SIRPB1: variants seen among roughly 807,000 people sequenced by gnomAD.
SIRPB1 encodes the protein signal regulatory protein beta 1.
Under a neutral mutation model 34.1 loss-of-function variants are expected in SIRPB1, and 28 were observed. The ratio of observed to expected loss-of-function variants is 0.82; its 90% CI spans 0.61 to 1.12. The LOEUF is 1.12. SIRPB1 is among the 50% of genes most tolerant of loss of function. The pLI, the probability that SIRPB1 is intolerant of heterozygous loss-of-function variation, is 0.00. For missense variants in SIRPB1, 499 were observed against 507.0 expected (o/e 0.98, Z 0.15); for synonymous variants, 211 against 203.8 (o/e 1.04, Z -0.30).
At chr20:1,567,750 G>A (rs1373076447) in intron 4 of SIRPB1, among the ~76,000 whole-genome samples, 2 of 152,184 alleles carry the variant, frequency 1.3e-5, no homozygotes, top group Non-Finnish European at 2.9e-5. Flanking sequence ...TTTGAAAACA[G>A]ATTGGGAAAT....
Position 1,581,470 on chromosome 20 carries a change from C to G in SIRPB1, c.77-2776G>C, listed in dbSNP as rs1453439369. 1.3e-4 allele frequency among the ~76,000 whole-genome samples: 6 copies of G among 45,674 alleles called. 3 individuals are homozygous for G. Among genetic ancestry groups the G allele is most frequent in the Non-Finnish European group, 2.5e-4 (6 of 24,320 alleles). 30.0% of individuals were successfully genotyped at this position (45,674 alleles called of 152,430 possible). A position where few individuals can be genotyped will look rare whatever the true frequency, so the allele number is the denominator to read the frequency against. On this transcript the variant is annotated intron_variant, in intron 1 of 5. Coordinates refer to ENST00000381605, the MANE Select transcript of SIRPB1 (RefSeq NM_006065.5). Reference sequence around the variant, plus strand: ...TTTGCTTGTGTCCTCCACCTTGACTCCCAGTAAAGGCACTTGCCCAGGGAT... The same window carrying G: ...TTTGCTTGTGTCCTCCACCTTGACTGCCAGTAAAGGCACTTGCCCAGGGAT...
At chr20:1,572,160 G>C (rs1334327680) in intron 2 of SIRPB1, 123 bp from the exon 3 acceptor site, 10 of 1,460,462 alleles carry the variant, frequency 6.8e-6, no homozygotes, top group Non-Finnish European at 8.3e-6. Flanking sequence ...ATGTCGTGAA[G>C]GCAGTGTCCT....
intron 5 of SIRPB1, 39 bp downstream of exon 5, chr20:1,566,114 G>T: frequency 7.2e-7 from 1 of 1,384,576 alleles, no homozygotes; most frequent in Non-Finnish European, 1.0e-6. Context: ...TTGCCTTTCT[G>T]GAGGAGCCCT....
intron 1 of SIRPB1, among the ~76,000 whole-genome samples, chr20:1,583,698 C>T (rs185969869): frequency 2.1e-5 from 1 of 48,298 alleles, no homozygotes; most frequent in Admixed American, 1.4e-4. Context: ...TTACCTGTTG[C>T]TTTGCTTAAC....
chr20:1,618,785 G>A (rs2091666876), intron 1 of SIRPB1, among the ~76,000 whole-genome samples: 1 of 152,168 alleles, frequency 6.6e-6, no homozygotes, highest in South Asian at 2.1e-4. Flanking sequence ...GGCTGCACCA[G>A]GAAAGGCCCT....
intron 1 of SIRPB1, among the ~76,000 whole-genome samples, chr20:1,619,384 C>T (rs1600176847): frequency 6.6e-6 from 1 of 152,200 alleles, no homozygotes; most frequent in African/African-American, 2.4e-5. Flanking sequence ...GAGGAGCACC[C>T]TTAGGGAGGA....
Position 1,570,791 on chromosome 20 carries a change from G to C in SIRPB1, c.1084+14C>G. The C allele has an allele frequency of 6.4e-7, 1 of 1,558,488 alleles. No homozygotes were observed. The highest frequency in any genetic ancestry group is 8.7e-7 in the Non-Finnish European group (1 of 1,149,332). Reference sequence around the variant, plus strand: ...AAGAAAAAGACAAAATTTAAAAATGGGAAGTAACCGCACCATGGGTGATAT... The same window carrying C: ...AAGAAAAAGACAAAATTTAAAAATGCGAAGTAACCGCACCATGGGTGATAT... On this transcript the variant is annotated intron_variant, in intron 4 of 5. Coordinates refer to ENST00000381605, the MANE Select transcript of SIRPB1 (RefSeq NM_006065.5).
intron 4 of SIRPB1, among the ~76,000 whole-genome samples, chr20:1,568,260 A>G (rs1228086425): frequency 6.6e-6 from 1 of 152,222 alleles, no homozygotes; most frequent in Admixed American, 6.5e-5. Context: ...GGCTGAGTCA[A>G]AAGGGAACAC....
Position 1,566,227 on chromosome 20 carries a change from G to C in SIRPB1, c.1125C>G (p.Leu375=), listed in dbSNP as rs1337852183. 2.5e-6 allele frequency: 4 copies of C among 1,611,732 alleles called. No individual in the cohort carries two copies. The highest frequency in any genetic ancestry group is 3.4e-6 in the Non-Finnish European group (4 of 1,179,132). ...LAPTAPLLVA[L]LLGPKLLLVV... is the part of the protein sequence containing the mutation. Reference sequence around the variant, plus strand: ...CCAGTAGCAGCTTGGGGCCCAGGAGGAGAGCTACGAGGAGTGGAGCAGTAG... The same window carrying C: ...CCAGTAGCAGCTTGGGGCCCAGGAGCAGAGCTACGAGGAGTGGAGCAGTAG... The change falls in exon 5 of 6, where the codon CTC becomes CTG. Residue 375 remains leucine (L), a synonymous_variant. Coordinates refer to ENST00000381605, the MANE Select transcript of SIRPB1 (RefSeq NM_006065.5).
chr20:1,570,758 T>C (rs1333625242), intron 4 of SIRPB1, 47 bp downstream of exon 4: 1 of 1,430,086 alleles, frequency 7.0e-7, no homozygotes, highest in African/African-American at 1.4e-5. Context: ...ATATTGCTTT[T>C]AACATTAAAG....
Position 1,583,156 on chromosome 20 carries a change from C to T in SIRPB1, c.77-4462G>A, listed in dbSNP as rs994297011. Among the ~76,000 whole-genome samples the T allele has an allele frequency of 4.1e-5, 2 of 48,836 alleles. 1 individual carries two copies. The highest frequency in any genetic ancestry group is 2.7e-4 in the African/African-American group (2 of 7,388). The allele number at this position is 48,836 out of a possible 152,430, so 32.0% of individuals were successfully genotyped here. A position where few individuals can be genotyped will look rare whatever the true frequency, so the allele number is the denominator to read the frequency against. The stretch of plus-strand genomic sequence containing the variant: ...AAGAAAACCACAAATCCTCTTCTCC[C>T]CACCACATCACCTCCCTGCCCTCAT... On this transcript the variant is annotated intron_variant, in intron 1 of 5. Transcript: ENST00000381605.
At chr20:1,595,459 G>A (rs1344241101) in intron 1 of SIRPB1, among the ~76,000 whole-genome samples, 1 of 48,818 alleles carries the variant, frequency 2.0e-5, no homozygotes, top group Admixed American at 1.4e-4. Flanking sequence ...TTGCCATGAT[G>A]TCCCAGGAGG....
Position 1,588,654 on chromosome 20 carries a change from C to T in SIRPB1, c.77-9960G>A. The T allele has an allele frequency of 3.4e-6, 2 of 583,106 alleles. 1 individual carries two copies. Among genetic ancestry groups the T allele is most frequent in the Non-Finnish European group, 4.5e-6 (2 of 442,052 alleles). 36.1% of individuals were successfully genotyped at this position (583,106 alleles called of 1,614,324 possible). On this transcript the variant is annotated intron_variant, in intron 1 of 5. Transcript: ENST00000381605. ...GCATCCTGGAGACCTCAGGAGCCTG[C>T]TCTGTTCAAACGTCTGTGGTGGGGA... is the stretch of plus-strand genomic sequence containing the variant.
Position 1,562,752 on chromosome 20 carries a change from C to CA in SIRPB1, c.*2747dup, listed in dbSNP as rs1201812183. Among the ~76,000 whole-genome samples, 2 of 152,176 alleles carry CA rather than the reference C, an allele frequency of 1.3e-5. No homozygotes were observed. The highest frequency in any genetic ancestry group is 4.8e-5 in the African/African-American group (2 of 41,436). On this transcript the variant is annotated 3_prime_UTR_variant, in exon 6 of 6. Transcript: ENST00000381605. ...GATTGGTCCCTATGGCTCTCCTACT[C>CA]AAACAGCAAATCCTATAGTTGGGTT...
intron 1 of SIRPB1, among the ~76,000 whole-genome samples, chr20:1,592,660 G>T (rs1481245563): frequency 2.0e-5 from 1 of 49,098 alleles, no homozygotes; most frequent in Non-Finnish European, 3.9e-5. Flanking sequence ...TTAGATCTCA[G>T]TTTATGTTGC....
chr20:1,576,251 TGTCTAA>T (rs2091308081), intron 2 of SIRPB1, among the ~76,000 whole-genome samples: 1 of 148,092 alleles, frequency 6.8e-6, no homozygotes, highest in African/African-American at 2.5e-5. Context: ...CCACCTTCCT[TGTCTAA>T]GTTCAAGGGT....
Position 1,619,927 on chromosome 20 carries a change from G to A in SIRPB1, c.18C>T (p.Ser6=), listed in dbSNP as rs1249939693. 1.2e-6 allele frequency: 2 copies of A among 1,613,950 alleles called. No homozygotes were observed. The highest frequency in any genetic ancestry group is 1.7e-5 in the Admixed American group (1 of 60,000). Residue 6 remains serine (S), a synonymous_variant, in exon 1 of 6, where the codon TCC becomes TCT. Coordinates refer to ENST00000381605, the MANE Select transcript of SIRPB1 (RefSeq NM_006065.5). ...GGAAAGGACTAGGAAGGTGGGGCCA[G>A]GAGGCTGGCACGGGCATTCTGGAGA... MPVPA[S]WPHLPSPFLL... is the part of the protein sequence containing the mutation.
intron 1 of SIRPB1, among the ~76,000 whole-genome samples, chr20:1,614,781 G>A (rs1007143999): frequency 6.6e-6 from 1 of 151,974 alleles, no homozygotes; most frequent in Admixed American, 6.6e-5. Context: ...CTAAACTCAG[G>A]TGGAAAGTTC....
chr20:1,614,592 C>T (rs2091603497), intron 1 of SIRPB1, among the ~76,000 whole-genome samples: 1 of 151,972 alleles, frequency 6.6e-6, no homozygotes, highest in Admixed American at 6.6e-5. Context: ...TGAGCCTGCT[C>T]CTTGGGAGCT....
Sources: allele counts gnomAD v4.1 joint callset (sites outside exome capture counted in the v4.1 genomes callset), GRCh38; gene constraint gnomAD v4.1.1; transcripts MANE v1.5; gene names NCBI Gene and HGNC (gene_info 2026-07-23, HGNC 2026-07-21).